FRMD4B: variants seen among roughly 807,000 people sequenced by gnomAD.
FRMD4B encodes the protein FERM domain containing 4B, also known as FERM domain-containing protein 4B.
In FRMD4B, 74 loss-of-function variants were observed where a neutral mutation model predicts 141.5. That is an observed-to-expected ratio of 0.52 (90% CI 0.43 to 0.63). FRMD4B has a LOEUF of 0.63. Ranked by LOEUF, FRMD4B falls within the 30% of genes least tolerant of loss-of-function variation. The pLI, the probability that FRMD4B is intolerant of heterozygous loss-of-function variation, is 0.00. For synonymous variants in FRMD4B, 506 were observed against 467.9 expected (o/e 1.08, Z -1.05); for missense variants, 1,366 against 1,253.4 (o/e 1.09, Z -1.36).
intron 5 of FRMD4B, among the ~76,000 whole-genome samples, chr3:69,260,301 G>A (rs573073562): frequency 1.3e-5 from 2 of 152,356 alleles, no homozygotes; most frequent in South Asian, 4.1e-4. Flanking sequence ...GCTGTGCACC[G>A]TGTTCGCGAG....
chr3:69,171,784 C>T lies in FRMD4B; in HGVS notation c.*77G>A, dbSNP rs2092588949. On this transcript the variant is annotated 3_prime_UTR_variant, in exon 23 of 23. Transcript: ENST00000398540. ...TCTTTAGGTTTCTAAAACGAACATC[C>T]TCTCGGAAGACAAATACAATTTGCA... 4 of 1,455,604 alleles carry T rather than the reference C, an allele frequency of 2.7e-6. No homozygotes were observed. The highest frequency in any genetic ancestry group is 2.4e-5 in the South Asian group (2 of 84,178). The allele number at this position is 1,455,604 out of a possible 1,614,324, so 90.2% of individuals were successfully genotyped here. A position where few individuals can be genotyped will look rare whatever the true frequency, so the allele number is the denominator to read the frequency against.
intron 1 of FRMD4B, among the ~76,000 whole-genome samples, chr3:69,319,408 A>G (rs951899303): frequency 6.6e-6 from 1 of 152,182 alleles, no homozygotes; most frequent in African/African-American, 2.4e-5. Flanking sequence ...ATATTTTCCT[A>G]TTTAAAAAAA....
chr3:69,300,260 C>A (rs58173665), intron 4 of FRMD4B, among the ~76,000 whole-genome samples: 3,545 of 152,264 alleles, frequency 0.023, 144 homozygotes, highest in African/African-American at 0.08. Context: ...AAAACAACTA[C>A]TTAATTGGAA....
intron 1 of FRMD4B, among the ~76,000 whole-genome samples, chr3:69,536,930 T>A (rs1701096406): frequency 6.6e-6 from 1 of 151,972 alleles, no homozygotes; most frequent in Admixed American, 6.5e-5. Flanking sequence ...AAATTTTAAG[T>A]AGGAATGAGG....
intron 2 of FRMD4B, among the ~76,000 whole-genome samples, chr3:69,426,875 T>C (rs1404309562): frequency 6.6e-6 from 1 of 152,192 alleles, no homozygotes; most frequent in Non-Finnish European, 1.5e-5. Context: ...CCAAGCAATA[T>C]GGCTGAGAAT....
chr3:69,304,618 A>T (rs923009092), intron 3 of FRMD4B, among the ~76,000 whole-genome samples: 2 of 152,072 alleles, frequency 1.3e-5, no homozygotes, highest in African/African-American at 4.8e-5. Flanking sequence ...CACCAAGTTC[A>T]TAAACAGTTC....
At chr3:69,542,327 C>T in exon 1 of FRMD4B, 1 of 154,238 alleles carries the variant, frequency 6.5e-6, no homozygotes, top group Non-Finnish European at 1.4e-5. Flanking sequence ...GTCCACTCTG[C>T]GCTGTGCCTT....
intron 1 of FRMD4B, among the ~76,000 whole-genome samples, chr3:69,454,617 A>G (rs879708880): frequency 1.3e-5 from 2 of 152,162 alleles, no homozygotes; most frequent in Admixed American, 1.3e-4. Context: ...GTCCCCCAGC[A>G]CTGCCGGCCC....
chr3:69,404,790 T>C (rs1704623094), intron 2 of FRMD4B, among the ~76,000 whole-genome samples: 1 of 151,988 alleles, frequency 6.6e-6, no homozygotes, highest in Non-Finnish European at 1.5e-5. Context: ...AGTCAGATGG[T>C]TCAGAACCCC....
Position 69,447,661 on chromosome 3 carries a change from G to A in FRMD4B, c.-128-14900C>T, listed in dbSNP as rs114311693. Among the ~76,000 whole-genome samples the A allele has an allele frequency of 3.8e-3, 582 of 152,212 alleles. 5 individuals carry two copies. Among genetic ancestry groups the A allele is most frequent in the African/African-American group, 0.014 (563 of 41,520 alleles). ...AAGATAACAAAACATTTTTCTCTCC[G>A]AAGAAGTTCCTTTATATCCCTTTGT... is the stretch of plus-strand genomic sequence containing the variant. On this transcript the variant is annotated intron_variant, in intron 1 of 5. Coordinates refer to the FRMD4B transcript ENST00000459638.
chr3:69,479,773 G>A (rs1443926054), intron 1 of FRMD4B, among the ~76,000 whole-genome samples: 2 of 152,196 alleles, frequency 1.3e-5, no homozygotes, highest in African/African-American at 4.8e-5. Context: ...GATTGGGGAA[G>A]TTCTCCTGGA....
chr3:69,538,454 T>C (rs1021796451), intron 1 of FRMD4B, among the ~76,000 whole-genome samples: 1 of 152,224 alleles, frequency 6.6e-6, no homozygotes, highest in African/African-American at 2.4e-5. Flanking sequence ...TCACATTTTA[T>C]ACTGCAACCC....
intron 1 of FRMD4B, among the ~76,000 whole-genome samples, chr3:69,516,069 T>TA (rs916159247): frequency 6.6e-6 from 1 of 151,806 alleles, no homozygotes; most frequent in Non-Finnish European, 1.5e-5. Flanking sequence ...TACAAAAAAT[T>TA]AAAAAATTAG....
intron 1 of FRMD4B, among the ~76,000 whole-genome samples, chr3:69,455,012 A>G (rs747537920): frequency 2.0e-5 from 3 of 152,330 alleles, no homozygotes; most frequent in Admixed American, 6.5e-5. Context: ...AAATCTAGCT[A>G]ATCTGGTGGG....
intron 11 of FRMD4B, among the ~76,000 whole-genome samples, chr3:69,211,010 G>A (rs2093071770): frequency 1.0e-5 from 1 of 95,516 alleles, no homozygotes; most frequent in South Asian, 3.8e-4. Flanking sequence ...AAGAGTGAGT[G>A]AAATGCCATC....
chr3:69,279,331 A>C (rs955624573), intron 5 of FRMD4B, among the ~76,000 whole-genome samples: 5 of 152,206 alleles, frequency 3.3e-5, no homozygotes, highest in Non-Finnish European at 4.4e-5. Context: ...AGCTTGGCCA[A>C]ATTGTTTAAC....
chr3:69,344,507 A>G (rs1414271011), intron 1 of FRMD4B, among the ~76,000 whole-genome samples: 1 of 152,234 alleles, frequency 6.6e-6, no homozygotes, highest in Non-Finnish European at 1.5e-5. Flanking sequence ...CCTCAGCATT[A>G]GTCTAATCCC....
At chr3:69,387,257 C>CG (rs1704279585), upstream of FRMD4B, among the ~76,000 whole-genome samples, 1 of 152,070 alleles carries the variant, frequency 6.6e-6, no homozygotes. Flanking sequence ...ACCTCAGCCA[C>CG]GGGGACTACA....
In FRMD4B at chr3:69,494,747, C is replaced by T. The variant is rs919454908; in HGVS notation, c.-129+47459G>A. The stretch of plus-strand genomic sequence containing the variant: ...TCTCTACTAAAAATACAAAAGTTAG[C>T]TGGGCATGGTGGCGGGCACCTGTGA... On this transcript the variant is annotated intron_variant, in intron 1 of 5. Coordinates refer to the FRMD4B transcript ENST00000459638. 3.3e-5 allele frequency among the ~76,000 whole-genome samples: 5 copies of T among 152,088 alleles called. No individual in the cohort carries two copies. In the East Asian group the frequency reaches 9.7e-4, roughly 29 times the overall value.
Sources: gnomAD v4.1 joint callset for allele counts (sites outside exome capture counted in the v4.1 genomes callset) on GRCh38, gnomAD v4.1.1 for gene constraint, MANE v1.5 for transcripts, NCBI Gene and HGNC (gene_info 2026-07-23, HGNC 2026-07-21) for gene names.